ZNF207: variants seen among roughly 807,000 people sequenced by gnomAD.
ZNF207 encodes the protein BUB3-interacting and GLEBS motif-containing protein ZNF207.
In ZNF207, 24 loss-of-function variants were observed where a neutral mutation model predicts 60.2. The ratio of observed to expected loss-of-function variants is 0.40; its 90% CI spans 0.29 to 0.56. The LOEUF is 0.56. Ranked by LOEUF, ZNF207 falls within the 20% of genes least tolerant of loss-of-function variation. The pLI is 0.49. For missense variants in ZNF207, 452 were observed against 636.6 expected (o/e 0.71, Z 3.12); for synonymous variants, 236 against 194.7 (o/e 1.21, Z -1.77).
chr17:32,353,677 G>A (rs554855286), intron 2 of ZNF207, among the ~76,000 whole-genome samples: 1 of 148,546 alleles, frequency 6.7e-6, no homozygotes, highest in Non-Finnish European at 1.5e-5. Context: ...CTACGGGGGC[G>A]GGGGGAGGGC....
chr17:32,361,407 A>C, intron 5 of ZNF207, 61 bp from the exon 6 acceptor site: 1 of 1,470,174 alleles, frequency 6.8e-7, no homozygotes, highest in Non-Finnish European at 9.4e-7. Flanking sequence ...TATACAATAC[A>C]CTTTCCCACT....
intron 8 of ZNF207, among the ~76,000 whole-genome samples, chr17:32,365,841 A>G (rs1366987854): frequency 6.6e-6 from 1 of 151,662 alleles, no homozygotes; most frequent in African/African-American, 2.4e-5. Context: ...AAAGTCAAAG[A>G]TTAGCATTCT....
chr17:32,367,454 C>T (rs1423282603), intron 9 of ZNF207, among the ~76,000 whole-genome samples: 2 of 150,842 alleles, frequency 1.3e-5, no homozygotes, highest in Non-Finnish European at 3.0e-5. Flanking sequence ...TTCTAAGATA[C>T]TGTATTTCAG....
intron 2 of ZNF207, among the ~76,000 whole-genome samples, chr17:32,352,449 T>C (rs1452846461): frequency 6.6e-6 from 1 of 152,212 alleles, no homozygotes; most frequent in African/African-American, 2.4e-5. Flanking sequence ...TATTTGTATT[T>C]AGTTTGATAG....
In ZNF207 at chr17:32,375,430, CTGGT is replaced by C. The variant is rs1905644069; in HGVS notation, c.*5674_*5677del. ...GTGTGCTGGAAATACAGGCTCTTATCTGGTTGAGTACTGGGGGTGGGAAGGATTT... is the reference window on the plus strand; with the variant it reads ...GTGTGCTGGAAATACAGGCTCTTATCTGAGTACTGGGGGTGGGAAGGATTT... On this transcript the variant is annotated 3_prime_UTR_variant, in exon 12 of 12. Coordinates refer to ENST00000394670, the MANE Select transcript of ZNF207 (RefSeq NM_001098507.2). 1 of 152,032 alleles carries C rather than the reference CTGGT, an allele frequency of 6.6e-6. No homozygotes were observed. The highest frequency in any genetic ancestry group is 6.5e-5 in the Admixed American group (1 of 15,268). The allele number at this position is 152,032 out of a possible 1,614,324, so 9.4% of individuals were successfully genotyped here.
chr17:32,361,350 G>T, intron 5 of ZNF207, 118 bp from the exon 6 acceptor site: 1 of 737,826 alleles, frequency 1.4e-6, no homozygotes, highest in South Asian at 2.4e-5. Context: ...TGAATATGAG[G>T]TGCTTGTGCC....
chr17:32,357,829 TCTCC>T (rs559816222), intron 2 of ZNF207, among the ~76,000 whole-genome samples: 119 of 151,744 alleles, frequency 7.8e-4, no homozygotes, highest in Middle Eastern at 3.4e-3. Context: ...TTTGAGGGAC[TCTCC>T]CTCTCACGCA....
intron 2 of ZNF207, among the ~76,000 whole-genome samples, chr17:32,355,337 C>T (rs531585349): frequency 1.2e-4 from 19 of 152,214 alleles, no homozygotes; most frequent in Middle Eastern, 3.4e-3. Context: ...TGCAGTGAGC[C>T]GTGATAGCAC....
chr17:32,354,419 T>G (rs1049776839), intron 2 of ZNF207, among the ~76,000 whole-genome samples: 2 of 152,228 alleles, frequency 1.3e-5, no homozygotes, highest in African/African-American at 4.8e-5. Flanking sequence ...TAAGTGATTC[T>G]TGTGCATCAG....
chr17:32,357,092 G>A (rs1475446403), intron 2 of ZNF207, among the ~76,000 whole-genome samples: 1 of 151,856 alleles, frequency 6.6e-6, no homozygotes, highest in Non-Finnish European at 1.5e-5. Context: ...TGAGGTGGGA[G>A]GGTGGCTTGA....
rs529181098 is a variant in ZNF207 at position 32,364,205 on chromosome 17, C to A, written c.671-1125C>A. Among the ~76,000 whole-genome samples the A allele has an allele frequency of 6.6e-5, 10 of 152,022 alleles. No homozygotes were observed. In the South Asian group the frequency reaches 2.1e-3, roughly 32 times the overall value. On this transcript the variant is annotated intron_variant, in intron 7 of 11. Transcript: ENST00000394670. ...TCTATTTGGAACCAAAATAACTTTC[C>A]CAGAAGCTCTTTAGCTCCTTACGTA...
chr17:32,360,659 CT>C lies in ZNF207; in HGVS notation c.370del (p.Ser124GlnfsTer40), dbSNP rs1904824590. On this transcript the variant is annotated frameshift_variant, in exon 4 of 12. Coordinates refer to ENST00000394670, the MANE Select transcript of ZNF207 (RefSeq NM_001098507.2). LOFTEE classifies it high-confidence loss of function. ...AATATGATGATGACGACTCTGCAGC[CT>C]CAACTTCATTTCAGCCACAGCCTGT... Reference protein sequence around the residue: ...DEYDDDDSAASTSFQPQPVQP... With the variant: ...DEYDDDDSAAXTSFQPQPVQP... The C allele has an allele frequency of 6.2e-7, 1 of 1,613,766 alleles. No individual in the cohort carries two copies. The highest frequency in any genetic ancestry group is 1.7e-5 in the Admixed American group (1 of 59,954).
In ZNF207 at chr17:32,381,477, G is replaced by A. The variant is rs2150809959; in HGVS notation, c.*11718G>A. 6.6e-6 allele frequency: 1 copy of A among 152,318 alleles called. No homozygotes were observed. The highest frequency in any genetic ancestry group is 2.1e-4 in the South Asian group (1 of 4,826). 9.4% of individuals were successfully genotyped at this position (152,318 alleles called of 1,614,324 possible). ...CTTTGATTTGTCACCTGGTTAAATA[G>A]CTGGAAGCTTGTGCAAATGAAAAAT... On this transcript the variant is annotated 3_prime_UTR_variant, in exon 12 of 12. Transcript: ENST00000394670.
At position 32,369,528 on chromosome 17, in the gene ZNF207, A is replaced by G. The variant is rs1188229266; in HGVS notation, c.1325-71A>G. On this transcript the variant is annotated intron_variant, in intron 11 of 11. Coordinates refer to ENST00000394670, the MANE Select transcript of ZNF207 (RefSeq NM_001098507.2). ...CGCATAAAATATTAAATTTATCTGC[A>G]GCATACGTTGCACTTAAAAGTACAA... 143 of 1,595,032 alleles carry G rather than the reference A, an allele frequency of 9.0e-5. No homozygotes were observed. In the East Asian group the frequency reaches 3.0e-3, roughly 34 times the overall value.
chr17:32,357,025 T>TA (rs1904544946), intron 2 of ZNF207, among the ~76,000 whole-genome samples: 1 of 151,568 alleles, frequency 6.6e-6, no homozygotes. Flanking sequence ...CCACAGAAAA[T>TA]ACAAAAATTA....
Position 32,374,214 on chromosome 17 carries a change from T to TAATCACAAACTTACGCATTGAATG in ZNF207, c.*4455_*4456insAATCACAAACTTACGCATTGAATG, listed in dbSNP as rs1905588524. On this transcript the variant is annotated 3_prime_UTR_variant, in exon 12 of 12. Coordinates refer to ENST00000394670, the MANE Select transcript of ZNF207 (RefSeq NM_001098507.2). ...CGCGCCTGGCCAAAATCTGCATTCT[T>TAATCACAAACTTACGCATTGAATG]TTTTTTTTTTTTTTTTTTTTTTTGA... The TAATCACAAACTTACGCATTGAATG allele has an allele frequency of 2.9e-5, 2 of 67,982 alleles. No individual in the cohort carries two copies. The highest frequency in any genetic ancestry group is 1.1e-4 in the African/African-American group (2 of 17,930). 4.2% of individuals were successfully genotyped at this position (67,982 alleles called of 1,614,324 possible).
rs1201790209 is a variant in ZNF207, at chr17:32,370,893, G to A, written c.*1134G>A. 1.3e-5 allele frequency: 2 copies of A among 152,182 alleles called. No individual in the cohort carries two copies. Among genetic ancestry groups the A allele is most frequent in the South Asian group, 4.1e-4 (2 of 4,826 alleles). 9.4% of individuals were successfully genotyped at this position (152,182 alleles called of 1,614,324 possible). A position where few individuals can be genotyped will look rare whatever the true frequency, so the allele number is the denominator to read the frequency against. ...GAGAATCTAAATGTGTCTCTGTTGG[G>A]ATGGTTAACAGATGAATTGGCAATT... On this transcript the variant is annotated 3_prime_UTR_variant, in exon 12 of 12. Transcript: ENST00000394670.
At chr17:32,368,278 C>A (rs958921044) in intron 10 of ZNF207, 2 of 453,206 alleles carry the variant, frequency 4.4e-6, no homozygotes, top group African/African-American at 3.9e-5. Context: ...TCTTAACTCT[C>A]TTAAAAATCA....
rs1905865408 is a variant in ZNF207 at position 32,381,075 on chromosome 17, C to T, written c.*11316C>T. On this transcript the variant is annotated 3_prime_UTR_variant, in exon 12 of 12. Transcript: ENST00000394670. ...AAAGTCAAGTGTTCAATTACTACAC[C>T]AGGAAAGATTGATTATTTCTGAGGA... 6.6e-6 allele frequency: 1 copy of T among 152,032 alleles called. No individual in the cohort carries two copies. The highest frequency in any genetic ancestry group is 1.9e-4 in the East Asian group (1 of 5,190). The allele number at this position is 152,032 out of a possible 1,614,324, so 9.4% of individuals were successfully genotyped here. A position where few individuals can be genotyped will look rare whatever the true frequency, so the allele number is the denominator to read the frequency against.
Sources: allele counts gnomAD v4.1 joint callset (sites outside exome capture counted in the v4.1 genomes callset), GRCh38; gene constraint gnomAD v4.1.1; transcripts MANE v1.5; gene names NCBI Gene and HGNC (gene_info 2026-07-23, HGNC 2026-07-21).